Variants in ADGRL2 observed in about 807,000 individuals in gnomAD.
ADGRL2 encodes the protein adhesion G protein-coupled receptor L2.
In ADGRL2, 44 loss-of-function variants were observed where a neutral mutation model predicts 157.4. The ratio of observed to expected loss-of-function variants is 0.28; its 90% confidence interval spans 0.22 to 0.36. The LOEUF is 0.36. Among genes scored for constraint, ADGRL2 ranks in the 10% least tolerant of loss-of-function variants. The pLI is 1.00. For synonymous variants in ADGRL2, 585 were observed against 624.7 expected (o/e 0.94, Z 0.95); for missense variants, 1,510 against 1,768.9 (o/e 0.85, Z 2.63).
chr1:81,441,200 T>C (rs1343746436), intron 1 of ADGRL2, among the ~76,000 whole-genome samples: 1 of 152,220 alleles, frequency 6.6e-6, no homozygotes, highest in Non-Finnish European at 1.5e-5. Context: ...AGTATGAACA[T>C]GGCATATTAT....
At chr1:81,467,039 C>T (rs1469796156) in intron 2 of ADGRL2, among the ~76,000 whole-genome samples, 7 of 144,584 alleles carry the variant, frequency 4.8e-5, no homozygotes, top group Non-Finnish European at 9.0e-5. Context: ...AGCAAATAAG[C>T]TACAGTTAAA....
intron 3 of ADGRL2, among the ~76,000 whole-genome samples, chr1:81,908,134 G>A (rs1205364007): frequency 1.3e-5 from 2 of 152,286 alleles, no homozygotes; most frequent in East Asian, 3.9e-4. Flanking sequence ...TCGCCTAGGA[G>A]CAATAGACTG....
chr1:81,712,901 G>A (rs1465342091), intron 1 of ADGRL2, among the ~76,000 whole-genome samples: 1 of 151,088 alleles, frequency 6.6e-6, no homozygotes, highest in Non-Finnish European at 1.5e-5. Flanking sequence ...TAGCTGGACT[G>A]CAGGCATGCA....
intron 2 of ADGRL2, among the ~76,000 whole-genome samples, chr1:81,487,266 AC>A (rs1467431437): frequency 2.6e-5 from 4 of 152,040 alleles, no homozygotes; most frequent in Admixed American, 2.6e-4. Flanking sequence ...TTTCAAAAAA[AC>A]GAAAGGAAAA....
intron 10 of ADGRL2, among the ~76,000 whole-genome samples, chr1:81,953,472 A>T (rs1652498040): frequency 6.6e-6 from 1 of 152,176 alleles, no homozygotes; most frequent in Non-Finnish European, 1.5e-5. Context: ...CTTTATTCTG[A>T]AATTTTTAGG....
chr1:81,827,247 T>TGTAA (rs2091568371), intron 1 of ADGRL2, among the ~76,000 whole-genome samples: 2 of 152,314 alleles, frequency 1.3e-5, no homozygotes, highest in South Asian at 4.1e-4. Flanking sequence ...ACTTGTTGAA[T>TGTAA]GTAATGTGGA....
intron 1 of ADGRL2, among the ~76,000 whole-genome samples, chr1:81,425,833 A>C (rs67898597): frequency 0.2 from 30,442 of 151,786 alleles, 3,221 homozygotes; most frequent in African/African-American, 0.27. Context: ...CCATATAACA[A>C]AAGACAGCTT....
intron 2 of ADGRL2, among the ~76,000 whole-genome samples, chr1:81,467,000 C>T (rs1280463506): frequency 6.6e-6 from 1 of 151,408 alleles, no homozygotes; most frequent in Non-Finnish European, 1.5e-5. Flanking sequence ...TCCTTCACAC[C>T]AGCCCTTTGC....
chr1:81,322,494 T>C (rs937758930), intron 1 of ADGRL2, among the ~76,000 whole-genome samples: 9 of 152,086 alleles, frequency 5.9e-5, no homozygotes, highest in African/African-American at 2.2e-4. Flanking sequence ...AGAAAAAAGA[T>C]TTATGGTCTT....
At chr1:81,399,025 C>T (rs977702645) in intron 1 of ADGRL2, among the ~76,000 whole-genome samples, 1 of 152,152 alleles carries the variant, frequency 6.6e-6, no homozygotes, top group African/African-American at 2.4e-5. Context: ...AATTGACTCA[C>T]AGTTCCTGAA....
chr1:81,537,759 T>G (rs1000000975), intron 2 of ADGRL2, among the ~76,000 whole-genome samples: 7 of 151,026 alleles, frequency 4.6e-5, no homozygotes, highest in Non-Finnish European at 8.9e-5. Context: ...GAGTCCAGTG[T>G]CACCATCTCG....
chr1:81,461,934 G>GGT (rs1436217880), intron 2 of ADGRL2, among the ~76,000 whole-genome samples: 2 of 143,828 alleles, frequency 1.4e-5, no homozygotes, highest in Admixed American at 7.3e-5. Context: ...GAAGAAAGGG[G>GGT]GGGGGGGGTG....
chr1:81,839,377 GTTTAT>G (rs761384615), intron 2 of ADGRL2, among the ~76,000 whole-genome samples: 2 of 151,668 alleles, frequency 1.3e-5, no homozygotes, highest in East Asian at 1.9e-4. Flanking sequence ...TTCTTTTTTT[GTTTAT>G]TTTATTTTTT....
At chr1:81,754,625 TTC>T (rs2149280337) in intron 1 of ADGRL2, among the ~76,000 whole-genome samples, 1 of 149,040 alleles carries the variant, frequency 6.7e-6, no homozygotes, top group South Asian at 2.1e-4. Context: ...TCTTTCTCTC[TTC>T]TTTCTTCTTT....
chr1:81,541,001 A>C (rs1427207286), intron 2 of ADGRL2, among the ~76,000 whole-genome samples: 1 of 152,176 alleles, frequency 6.6e-6, no homozygotes, highest in Admixed American at 6.5e-5. Context: ...ATGAACAATC[A>C]CATTCTGAGG....
intron 1 of ADGRL2, among the ~76,000 whole-genome samples, chr1:81,708,849 C>T (rs891085001): frequency 6.6e-6 from 1 of 151,918 alleles, no homozygotes; most frequent in Admixed American, 6.6e-5. Flanking sequence ...CTCTAAAGTT[C>T]TTAGGGATCA....
intron 3 of ADGRL2, among the ~76,000 whole-genome samples, chr1:81,599,173 A>G (rs1482800049): frequency 1.3e-5 from 2 of 152,198 alleles, no homozygotes; most frequent in Non-Finnish European, 2.9e-5. Flanking sequence ...CCTGAACTTC[A>G]CTTTCCCAAG....
chr1:81,689,428 C>T (rs1051197795), intron 3 of ADGRL2, among the ~76,000 whole-genome samples: 7 of 152,178 alleles, frequency 4.6e-5, no homozygotes, highest in African/African-American at 1.7e-4. Context: ...TTAAGAAGGA[C>T]CCAAGCCTGT....
At chr1:81,585,209 C>A (rs565615715) in intron 3 of ADGRL2, among the ~76,000 whole-genome samples, 1 of 151,992 alleles carries the variant, frequency 6.6e-6, no homozygotes. Context: ...ATAAGGAAAG[C>A]GGAGTTTTTA....
Sources: allele counts gnomAD v4.1 joint callset (sites outside exome capture counted in the v4.1 genomes callset), GRCh38; gene constraint gnomAD v4.1.1; transcripts MANE v1.5; gene names NCBI Gene and HGNC (gene_info 2026-07-23, HGNC 2026-07-21).